ESR1: variants seen among roughly 807,000 people sequenced by gnomAD.
ESR1 encodes the protein estrogen receptor 1.
ESR1 carries 12 observed loss-of-function variants against 52.7 expected under a neutral mutation model. The observed-to-expected ratio is 0.23, with a 90% CI of 0.15 to 0.37. The LOEUF (loss-of-function observed/expected upper bound fraction) is 0.37. Ranked by LOEUF, ESR1 falls within the 10% of genes least tolerant of loss-of-function variation. The pLI is 1.00. For missense variants in ESR1, 584 were observed against 779.7 expected (o/e 0.75, Z 2.99); for synonymous variants, 305 against 316.8 (o/e 0.96, Z 0.39).
At chr6:151,925,998 GTTTTTCTTT>G (rs1481004867) in intron 3 of ESR1, among the ~76,000 whole-genome samples, 1 of 152,076 alleles carries the variant, frequency 6.6e-6, no homozygotes, top group Non-Finnish European at 1.5e-5. Flanking sequence ...TTGTGTATAA[GTTTTTCTTT>G]TTCCACATCA....
upstream of ESR1, among the ~76,000 whole-genome samples, chr6:151,686,870 C>A (rs1200703988): frequency 1.3e-5 from 2 of 152,200 alleles, no homozygotes; most frequent in Non-Finnish European, 2.9e-5. Context: ...AATTCTACAA[C>A]CCTGTCAGTG....
intron 1 of ESR1, among the ~76,000 whole-genome samples, chr6:151,679,557 C>T (rs1208895998): frequency 1.3e-5 from 2 of 152,104 alleles, no homozygotes; most frequent in African/African-American, 4.8e-5. Flanking sequence ...ACCATGTCGG[C>T]CAGGCCAGGC....
At chr6:151,707,646 T>C (rs1228369167) in intron 2 of ESR1, among the ~76,000 whole-genome samples, 1 of 152,100 alleles carries the variant, frequency 6.6e-6, no homozygotes, top group Non-Finnish European at 1.5e-5. Context: ...TTAAGAGTAA[T>C]TCCAAAAAGT....
At chr6:151,806,530 G>GTACA (rs1554259018), upstream of ESR1, among the ~76,000 whole-genome samples, 1 of 96,468 alleles carries the variant, frequency 1.0e-5, no homozygotes, top group Non-Finnish European at 2.2e-5. Flanking sequence ...TCCTTAATAT[G>GTACA]TATATATATA....
chr6:151,998,468 A>G (rs566701058), intron 4 of ESR1, among the ~76,000 whole-genome samples: 1 of 152,192 alleles, frequency 6.6e-6, no homozygotes, highest in South Asian at 2.1e-4. Context: ...TTCTTTGGGA[A>G]AAGCCAAGAT....
rs149065677 is a variant in ESR1 at position 152,061,420 on chromosome 6, A to T, written c.1369+296A>T. The stretch of plus-strand genomic sequence containing the variant: ...ATTCAAATGGTACATGTATATAGAC[A>T]TATGTTAGTTGATAGTTATATTATG... On this transcript the variant is annotated intron_variant, in intron 6 of 7. Transcript: ENST00000206249. This position sits in a 1 kb window ranked among gnomAD's most constrained non-coding sequence, Gnocchi z 4.3. Among the ~76,000 whole-genome samples, 1 of 152,332 alleles carries T rather than the reference A, an allele frequency of 6.6e-6. No homozygotes were observed. Among genetic ancestry groups the T allele is most frequent in the Non-Finnish European group, 1.5e-5 (1 of 68,030 alleles).
chr6:152,067,689 C>T (rs748745119), intron 6 of ESR1, among the ~76,000 whole-genome samples: 6 of 152,114 alleles, frequency 3.9e-5, no homozygotes, highest in East Asian at 1.9e-4. Context: ...TAGCTGGGCA[C>T]GGTGGCGGGC....
chr6:151,873,400 C>T (rs1791301678), intron 2 of ESR1, among the ~76,000 whole-genome samples: 1 of 152,076 alleles, frequency 6.6e-6, no homozygotes, highest in Non-Finnish European at 1.5e-5. Context: ...TGTTCAGTAC[C>T]TAGAAGACTC....
chr6:152,041,385 C>T (rs1428737197), intron 5 of ESR1, among the ~76,000 whole-genome samples: 1 of 152,176 alleles, frequency 6.6e-6, no homozygotes, highest in African/African-American at 2.4e-5. Context: ...GAGTAACACA[C>T]CCAAATGAGG....
At chr6:151,806,987 T>C (rs998903532), upstream of ESR1, among the ~76,000 whole-genome samples, 3 of 152,168 alleles carry the variant, frequency 2.0e-5, no homozygotes, top group African/African-American at 4.8e-5. Flanking sequence ...CAAGTCAGGC[T>C]GAGAGAATCT....
intron 3 of ESR1, among the ~76,000 whole-genome samples, chr6:151,906,725 T>C (rs1282193096): frequency 6.8e-6 from 1 of 147,552 alleles, no homozygotes; most frequent in Non-Finnish European, 1.5e-5. Flanking sequence ...TTGACTTTGC[T>C]TTATGGTATC....
chr6:152,084,645 C>G (rs944841426), intron 6 of ESR1, among the ~76,000 whole-genome samples: 1 of 150,680 alleles, frequency 6.6e-6, no homozygotes, highest in Non-Finnish European at 1.5e-5. Flanking sequence ...TCTAAATTTC[C>G]TTTGCCTGGC....
chr6:151,981,351 T>C (rs1562627504), intron 4 of ESR1, among the ~76,000 whole-genome samples: 2 of 152,226 alleles, frequency 1.3e-5, no homozygotes, highest in Non-Finnish European at 2.9e-5. Flanking sequence ...CATGGTCTTA[T>C]TCACTTTTTA....
At chr6:152,034,450 A>G (rs1474271096) in intron 5 of ESR1, among the ~76,000 whole-genome samples, 1 of 151,950 alleles carries the variant, frequency 6.6e-6, no homozygotes, top group Non-Finnish European at 1.5e-5. Flanking sequence ...TTTTATCTTC[A>G]CATCCTTTAT....
chr6:151,877,912 C>T (rs746012178), intron 2 of ESR1, among the ~76,000 whole-genome samples: 5 of 151,794 alleles, frequency 3.3e-5, no homozygotes, highest in Non-Finnish European at 5.9e-5. Context: ...TGGGCTCAAG[C>T]GATTCTCCTG....
chr6:152,073,460 A>G lies in ESR1; in HGVS notation c.1369+12336A>G, dbSNP rs375367765. On this transcript the variant is annotated intron_variant, in intron 6 of 7. Transcript: ENST00000206249. The stretch of plus-strand genomic sequence containing the variant: ...CCAAGAAATCATAATTTCACCACAC[A>G]AAAGTAACCATTGTCAACATTTTGG... Among the ~76,000 whole-genome samples, 54 of 152,332 alleles carry G rather than the reference A, an allele frequency of 3.5e-4. 1 individual carries two copies. Among genetic ancestry groups the G allele is most frequent in the African/African-American group, 9.9e-4 (41 of 41,584 alleles).
At chr6:151,710,290 T>G (rs913567656) in intron 2 of ESR1, among the ~76,000 whole-genome samples, 2 of 151,586 alleles carry the variant, frequency 1.3e-5, no homozygotes, top group Non-Finnish European at 2.9e-5. Flanking sequence ...TCAGTCCAAA[T>G]AGGATTTAGT....
chr6:152,116,118 G>C (rs2152514686), intron 6 of ESR1, among the ~76,000 whole-genome samples: 1 of 152,294 alleles, frequency 6.6e-6, no homozygotes, highest in Middle Eastern at 3.4e-3. Flanking sequence ...GTGTGGGTGG[G>C]AGTGTAAATC....
intron 2 of ESR1, among the ~76,000 whole-genome samples, chr6:151,871,570 A>C (rs1264350085): frequency 6.6e-6 from 1 of 151,802 alleles, no homozygotes; most frequent in Non-Finnish European, 1.5e-5. Context: ...CACCCAGCTA[A>C]GTTTTTGTAT....
Sources: allele counts gnomAD v4.1 joint callset (sites outside exome capture counted in the v4.1 genomes callset), GRCh38; gene constraint gnomAD v4.1.1; non-coding constraint Gnocchi (gnomAD v3.1); transcripts MANE v1.5; gene names NCBI Gene and HGNC (gene_info 2026-07-23, HGNC 2026-07-21).